Variants in RC3H2 observed in about 807,000 individuals in gnomAD.
RC3H2 encodes the protein roquin-2.
RC3H2 carries 31 observed loss-of-function variants against 133.3 expected under a neutral mutation model. The observed-to-expected ratio is 0.23, with a 90% CI of 0.17 to 0.31. The LOEUF (loss-of-function observed/expected upper bound fraction) is 0.31. Ranked by LOEUF, RC3H2 falls within the 10% of genes least tolerant of loss-of-function variation. The pLI is 1.00. For missense variants in RC3H2, 1,175 were observed against 1,437.2 expected (o/e 0.82, Z 2.95); for synonymous variants, 517 against 502.2 (o/e 1.03, Z -0.40).
intron 4 of RC3H2, among the ~76,000 whole-genome samples, chr9:122,885,799 G>A (rs1392688433): frequency 6.6e-6 from 1 of 152,146 alleles, no homozygotes; most frequent in Non-Finnish European, 1.5e-5. Flanking sequence ...AGCAGTCACT[G>A]TTCATACACT....
chr9:122,860,315 C>T (rs978588538), intron 10 of RC3H2, among the ~76,000 whole-genome samples, 184 bp from the exon 11 acceptor site: 3 of 151,876 alleles, frequency 2.0e-5, no homozygotes, highest in Admixed American at 1.3e-4. Flanking sequence ...ACGTGATCAT[C>T]GTAACAGATG....
At chr9:122,868,430 C>A (rs892873455) in intron 9 of RC3H2, among the ~76,000 whole-genome samples, 2 of 151,854 alleles carry the variant, frequency 1.3e-5, no homozygotes, top group Non-Finnish European at 2.9e-5. Flanking sequence ...TCCTGTTGAT[C>A]TGTGACCTTA....
rs937280888 is a variant in RC3H2, at chr9:122,846,665, T to C, written c.*2962A>G. Reference sequence around the variant, plus strand: ...CAGACTATTTTTTCTGATTAGACAATAGGTAACATATGCAGTTTGGTTACC... The same window carrying C: ...CAGACTATTTTTTCTGATTAGACAACAGGTAACATATGCAGTTTGGTTACC... On this transcript the variant is annotated 3_prime_UTR_variant, in exon 21 of 21. Coordinates refer to ENST00000357244, the MANE Select transcript of RC3H2 (RefSeq NM_001100588.3). The C allele has an allele frequency of 2.0e-5, 3 of 152,178 alleles. No individual in the cohort carries two copies. Among genetic ancestry groups the C allele is most frequent in the African/African-American group, 7.2e-5 (3 of 41,458 alleles). The allele number at this position is 152,178 out of a possible 1,614,324, so 9.4% of individuals were successfully genotyped here. A position where few individuals can be genotyped will look rare whatever the true frequency, so the allele number is the denominator to read the frequency against.
Position 122,904,538 on chromosome 9 carries a change from T to C in RC3H2, c.-68+572A>G, listed in dbSNP as rs936849523. 2.0e-5 allele frequency among the ~76,000 whole-genome samples: 3 copies of C among 152,204 alleles called. No homozygotes were observed. The East Asian group carries it at 5.8e-4, about 29-fold the overall frequency. ...ATGAGAGAGGGAAAGAAGAAAGCCA[T>C]AGCAGAATTTCCTGGCTGTGTTTCA... On this transcript the variant is annotated intron_variant, in intron 1 of 20. Transcript: ENST00000357244.
In RC3H2 at chr9:122,897,321, T is replaced by C; in HGVS notation, c.189A>G (p.Val63=). Reference sequence around the variant, plus strand: ...GGAGAAGTGCGAAGTTGACAGGAAGTACATCAATATCTGTGTTGATGGCAG... The same window carrying C: ...GGAGAAGTGCGAAGTTGACAGGAAGCACATCAATATCTGTGTTGATGGCAG... The part of the protein sequence containing the change: ...DQTAINTDID[V]LPVNFALLQL... The change falls in exon 2 of 21, where the codon GTA becomes GTG. Residue 63 remains valine, a synonymous_variant. Transcript: ENST00000357244. 6.2e-7 allele frequency: 1 copy of C among 1,614,158 alleles called. No individual in the cohort carries two copies. The highest frequency in any genetic ancestry group is 8.5e-7 in the Non-Finnish European group (1 of 1,179,980).
chr9:122,884,777 C>T (rs987347921), intron 4 of RC3H2, among the ~76,000 whole-genome samples: 5 of 150,742 alleles, frequency 3.3e-5, no homozygotes, highest in East Asian at 2.0e-4. Flanking sequence ...CCCTTGAACC[C>T]GGGAGGTGGA....
chr9:122,852,106 G>T (rs997369845), intron 18 of RC3H2, among the ~76,000 whole-genome samples: 2 of 149,756 alleles, frequency 1.3e-5, no homozygotes, highest in African/African-American at 5.0e-5. Context: ...GTCTCTGCCC[G>T]GCCGCCCGTC....
chr9:122,860,109 T>C lies in RC3H2; in HGVS notation c.1657A>G (p.Thr553Ala), dbSNP rs1375930893. The C allele has an allele frequency of 6.2e-7, 1 of 1,613,870 alleles. No individual in the cohort carries two copies. The highest frequency in any genetic ancestry group is 1.7e-5 in the Admixed American group (1 of 59,990). ...TENKIGSPPK[T>A]PVSNVAATSA... The stretch of plus-strand genomic sequence containing the variant: ...GTAGCTGCTACATTACTTACAGGAG[T>C]CTTGGGTGGAGAACCAATTTTACTG... The change falls in exon 11 of 21, where the codon ACT (threonine) becomes GCT (alanine). Residue 553 changes from threonine to alanine, a missense_variant. Transcript: ENST00000357244.
chr9:122,894,978 T>C (rs1401705278), intron 2 of RC3H2, among the ~76,000 whole-genome samples: 2 of 152,130 alleles, frequency 1.3e-5, no homozygotes, highest in African/African-American at 4.8e-5. Context: ...ACTTGGTATA[T>C]CTGAGAACTG....
intron 2 of RC3H2, among the ~76,000 whole-genome samples, chr9:122,894,248 G>C (rs188926304): frequency 6.6e-6 from 1 of 150,662 alleles, no homozygotes; most frequent in East Asian, 2.0e-4. Context: ...GACAGAGCAA[G>C]ACTCCGTCTC....
Position 122,854,199 on chromosome 9 carries a change from G to A in RC3H2, c.2968C>T (p.Leu990Phe), listed in dbSNP as rs79841101. 1 of 1,613,732 alleles carries A rather than the reference G, an allele frequency of 6.2e-7. No homozygotes were observed. Among genetic ancestry groups the A allele is most frequent in the African/African-American group, 1.3e-5 (1 of 74,914 alleles). Residue 990 changes from leucine (L) to phenylalanine (F), a missense_variant, in exon 17 of 21, where the codon CTT becomes TTT. Leu to Phe is a conservative substitution (Grantham distance 22, BLOSUM62 0). Transcript: ENST00000357244. The stretch of plus-strand genomic sequence containing the variant: ...ACAGAGCCTACCTGCTGAAGTTCAA[G>A]GCTCAAAAGGTCCCCAGTACTGGAA... ...KHSSTGDLLS[L>F]ELQQAKSNSL...
chr9:122,854,973 G>A (rs1823450), intron 15 of RC3H2, among the ~76,000 whole-genome samples: 32,761 of 151,952 alleles, frequency 0.22, 4,985 homozygotes, highest in East Asian at 0.65. Flanking sequence ...AAATTAGCCA[G>A]GCATGGTGGT....
chr9:122,883,763 T>C (rs573568178), intron 4 of RC3H2, among the ~76,000 whole-genome samples: 17 of 152,144 alleles, frequency 1.1e-4, no homozygotes, highest in African/African-American at 4.1e-4. Flanking sequence ...AGGACGACTG[T>C]TTGAGCCCAG....
chr9:122,866,341 A>G (rs1330548890), intron 9 of RC3H2, among the ~76,000 whole-genome samples: 1 of 147,672 alleles, frequency 6.8e-6, no homozygotes, highest in African/African-American at 2.5e-5. Flanking sequence ...TTTGGATTCC[A>G]TTTAAGAAAA....
chr9:122,898,523 G>A (rs1426278242), intron 1 of RC3H2, among the ~76,000 whole-genome samples: 1 of 152,128 alleles, frequency 6.6e-6, no homozygotes, highest in Non-Finnish European at 1.5e-5. Context: ...GCCGAGGTGG[G>A]AGGATCACCT....
intron 1 of RC3H2, among the ~76,000 whole-genome samples, chr9:122,898,309 G>C (rs765586981): frequency 6.6e-5 from 10 of 152,060 alleles, no homozygotes; most frequent in Admixed American, 6.6e-4. Flanking sequence ...ATTATTTAGC[G>C]ATTGATATAT....
At chr9:122,876,571 T>G (rs1831347492) in intron 9 of RC3H2, among the ~76,000 whole-genome samples, 3 of 149,732 alleles carry the variant, frequency 2.0e-5, no homozygotes, top group Non-Finnish European at 4.4e-5. Context: ...GAGGTTGCAG[T>G]GAGCCAAGAT....
intron 20 of RC3H2, 91 bp downstream of exon 20, chr9:122,850,990 T>C: frequency 7.0e-7 from 1 of 1,418,618 alleles, no homozygotes; most frequent in South Asian, 1.3e-5. Context: ...GGTCTTCCCC[T>C]CACAGCATAA....
chr9:122,901,839 T>C (rs1832662789), intron 1 of RC3H2, among the ~76,000 whole-genome samples: 1 of 152,022 alleles, frequency 6.6e-6, no homozygotes, highest in Non-Finnish European at 1.5e-5. Flanking sequence ...TCTGCCCACC[T>C]TGGCCTCCCA....
Sources: gnomAD v4.1 joint callset for allele counts (sites outside exome capture counted in the v4.1 genomes callset) on GRCh38, gnomAD v4.1.1 for gene constraint, MANE v1.5 for transcripts, NCBI Gene and HGNC (gene_info 2026-07-23, HGNC 2026-07-21) for gene names.